EPHA6: variants seen among roughly 807,000 people sequenced by gnomAD.
EPHA6 encodes the protein EPH receptor A6.
Under a neutral mutation model 112.0 loss-of-function variants are expected in EPHA6, and 50 were observed. The ratio of observed to expected loss-of-function variants is 0.45; its 90% CI spans 0.36 to 0.56. The LOEUF is 0.56. EPHA6 is among the 20% of genes least tolerant of loss of function. EPHA6 has a pLI of 0.00. For missense variants in EPHA6, 1,280 were observed against 1,417.4 expected (o/e 0.90, Z 1.56); for synonymous variants, 529 against 490.7 (o/e 1.08, Z -1.03).
intron 1 of EPHA6, among the ~76,000 whole-genome samples, chr3:96,825,791 A>G (rs2033619837): frequency 6.6e-6 from 1 of 151,940 alleles, no homozygotes; most frequent in Non-Finnish European, 1.5e-5. Flanking sequence ...AAAACTATCA[A>G]TCTAGTTTCT....
chr3:97,350,592 C>G (rs2083758895), intron 5 of EPHA6, among the ~76,000 whole-genome samples: 1 of 152,066 alleles, frequency 6.6e-6, no homozygotes, highest in South Asian at 2.1e-4. Context: ...TAGGGAAAAC[C>G]TCAGCACACA....
chr3:97,032,676 G>A (rs2044912880), intron 3 of EPHA6, among the ~76,000 whole-genome samples: 1 of 151,792 alleles, frequency 6.6e-6, no homozygotes. Context: ...ATTCTAATCT[G>A]AACTTCTTGC....
intron 12 of EPHA6, among the ~76,000 whole-genome samples, chr3:97,596,781 T>C (rs932619265): frequency 2.6e-5 from 1 of 38,022 alleles, no homozygotes. Context: ...CATATACATA[T>C]ATATATATAT....
intron 3 of EPHA6, among the ~76,000 whole-genome samples, chr3:97,083,846 T>C (rs538645463): frequency 1.3e-5 from 2 of 151,674 alleles, no homozygotes; most frequent in Admixed American, 1.3e-4. Context: ...AGTTCATTAA[T>C]GGAAAAATGG....
rs1559650016 is a variant in EPHA6 at position 96,989,935 on chromosome 3, A to G, written c.1114+1942A>G. On this transcript the variant is annotated intron_variant, in intron 3 of 17. Coordinates refer to ENST00000389672, the MANE Select transcript of EPHA6 (RefSeq NM_001080448.3). ...GAAAAATTTATACATATGAATAATTATCCAGTTAAGTGGAGAAGACAATAA... is the reference window on the plus strand; with the variant it reads ...GAAAAATTTATACATATGAATAATTGTCCAGTTAAGTGGAGAAGACAATAA... Among the ~76,000 whole-genome samples, 4 of 152,292 alleles carry G rather than the reference A, an allele frequency of 2.6e-5. No homozygotes were observed. The South Asian group carries it at 8.3e-4, about 32-fold the overall frequency.
intron 11 of EPHA6, among the ~76,000 whole-genome samples, chr3:97,575,992 C>A (rs577652211): frequency 6.6e-6 from 1 of 152,150 alleles, no homozygotes; most frequent in Admixed American, 6.5e-5. Context: ...TCTAAATGAA[C>A]CTCGAGTTTC....
intron 1 of EPHA6, among the ~76,000 whole-genome samples, chr3:96,841,226 G>T (rs188825011): frequency 2.2e-4 from 33 of 152,178 alleles, no homozygotes; most frequent in African/African-American, 7.9e-4. Context: ...ACAAATGGTT[G>T]TACTCTTTTA....
intron 3 of EPHA6, among the ~76,000 whole-genome samples, chr3:97,009,804 G>A (rs957722907): frequency 2.6e-5 from 4 of 152,190 alleles, no homozygotes; most frequent in African/African-American, 9.7e-5. Flanking sequence ...TGGGTAGCAT[G>A]CTCACTCACC....
chr3:97,558,989 C>T (rs114469506), intron 11 of EPHA6, among the ~76,000 whole-genome samples: 1,602 of 152,026 alleles, frequency 0.011, 30 homozygotes, highest in African/African-American at 0.037. Context: ...GTGAGACATG[C>T]ATGCAGTTAA....
intron 3 of EPHA6, among the ~76,000 whole-genome samples, chr3:97,005,549 A>T (rs1163218740): frequency 2.0e-5 from 3 of 152,210 alleles, no homozygotes; most frequent in Non-Finnish European, 4.4e-5. Flanking sequence ...ATATAAAATC[A>T]TGTCGTCTAC....
intron 3 of EPHA6, among the ~76,000 whole-genome samples, chr3:96,990,656 G>A (rs1033663053): frequency 6.6e-6 from 1 of 152,046 alleles, no homozygotes; most frequent in African/African-American, 2.4e-5. Context: ...GAGTGGATGT[G>A]GAGACTACAT....
At chr3:97,127,509 T>C (rs1576535693) in intron 3 of EPHA6, among the ~76,000 whole-genome samples, 1 of 151,950 alleles carries the variant, frequency 6.6e-6, no homozygotes, top group African/African-American at 2.4e-5. Flanking sequence ...CATCTGAGGT[T>C]AGGAGTTCCG....
chr3:97,615,538 C>T (rs1228983302), intron 13 of EPHA6, among the ~76,000 whole-genome samples: 1 of 152,122 alleles, frequency 6.6e-6, no homozygotes, highest in Non-Finnish European at 1.5e-5. Context: ...TTCCAGCCAG[C>T]CCCTGGTGAC....
At chr3:96,983,525 T>A (rs923293335) in intron 2 of EPHA6, among the ~76,000 whole-genome samples, 1 of 152,182 alleles carries the variant, frequency 6.6e-6, no homozygotes, top group Admixed American at 6.5e-5. Context: ...CTGACAATTA[T>A]GTGTCTTGGA....
chr3:97,517,684 A>C (rs2092468873), intron 10 of EPHA6, among the ~76,000 whole-genome samples: 1 of 152,122 alleles, frequency 6.6e-6, no homozygotes, highest in Non-Finnish European at 1.5e-5. Flanking sequence ...TAAGATCATT[A>C]AAGCTTATTT....
chr3:97,306,394 A>G (rs1164915921), intron 5 of EPHA6, among the ~76,000 whole-genome samples: 1 of 151,004 alleles, frequency 6.6e-6, no homozygotes, highest in African/African-American at 2.4e-5. Context: ...CTTAAGGCAC[A>G]ATACAAGTAC....
chr3:97,077,031 A>G (rs1278581265), intron 3 of EPHA6, among the ~76,000 whole-genome samples: 1 of 152,112 alleles, frequency 6.6e-6, no homozygotes, highest in African/African-American at 2.4e-5. Flanking sequence ...GCTAAATACA[A>G]CATCTGTGCT....
At chr3:97,467,621 A>G (rs2091098080) in intron 7 of EPHA6, among the ~76,000 whole-genome samples, 1 of 151,834 alleles carries the variant, frequency 6.6e-6, no homozygotes, top group Non-Finnish European at 1.5e-5. Flanking sequence ...AGACTTTTTA[A>G]AGGATGAAAG....
At chr3:97,284,218 T>C (rs1392817490) in intron 5 of EPHA6, among the ~76,000 whole-genome samples, 1 of 152,194 alleles carries the variant, frequency 6.6e-6, no homozygotes, top group Non-Finnish European at 1.5e-5. Flanking sequence ...TACTTCTTTC[T>C]AAACTAGATA....
Sources: gnomAD v4.1 joint callset for allele counts (sites outside exome capture counted in the v4.1 genomes callset) on GRCh38, gnomAD v4.1.1 for gene constraint, MANE v1.5 for transcripts, NCBI Gene and HGNC (gene_info 2026-07-23, HGNC 2026-07-21) for gene names.